SORCS3: variants seen among roughly 807,000 people sequenced by gnomAD.
SORCS3 encodes VPS10 domain-containing receptor SorCS3.
SORCS3 carries 57 observed loss-of-function variants against 146.3 expected under a neutral mutation model. That is an observed-to-expected ratio of 0.39 (90% CI 0.31 to 0.49). The LOEUF is 0.49. Among genes scored for constraint, SORCS3 ranks in the 20% least tolerant of loss-of-function variants. SORCS3 has a pLI of 0.92. For synonymous variants in SORCS3, 653 were observed against 618.5 expected (o/e 1.06, Z -0.83); for missense variants, 1,341 against 1,575.5 (o/e 0.85, Z 2.52).
intron 5 of SORCS3, among the ~76,000 whole-genome samples, chr10:105,044,039 A>G (rs898735330): frequency 2.6e-5 from 4 of 152,112 alleles, no homozygotes; most frequent in African/African-American, 7.2e-5. Flanking sequence ...GGCATACACC[A>G]AAGTATATAG....
At chr10:104,785,912 A>C (rs2017429428) in intron 1 of SORCS3, among the ~76,000 whole-genome samples, 1 of 152,220 alleles carries the variant, frequency 6.6e-6, no homozygotes, top group Non-Finnish European at 1.5e-5. Flanking sequence ...GATTTTACAT[A>C]AGAGAGGTAG....
rs76817912 is a variant in SORCS3 at position 104,991,387 on chromosome 10, T to A, written c.954+13894T>A. 4.3e-3 allele frequency among the ~76,000 whole-genome samples: 653 copies of A among 152,260 alleles called. 6 individuals are homozygous for A. The highest frequency in any genetic ancestry group is 0.014 in the African/African-American group (600 of 41,562). ...TGATTTCTTCTGAAGCCTCTGTCTT[T>A]GGCTTGAGCATGGCCAGCTTCTCTC... On this transcript the variant is annotated intron_variant, in intron 4 of 26. Coordinates refer to ENST00000369701, the MANE Select transcript of SORCS3 (RefSeq NM_014978.3).
intron 1 of SORCS3, among the ~76,000 whole-genome samples, chr10:104,726,790 C>T (rs2016640418): frequency 6.6e-6 from 1 of 152,082 alleles, no homozygotes; most frequent in South Asian, 2.1e-4. Context: ...TTGCCTGCCC[C>T]ATCTCCATTC....
At chr10:105,261,087 A>C (rs964355073) in intron 25 of SORCS3, among the ~76,000 whole-genome samples, 1 of 152,224 alleles carries the variant, frequency 6.6e-6, no homozygotes, top group Non-Finnish European at 1.5e-5. Flanking sequence ...CAGAGAGGAT[A>C]GAAAACATAG....
chr10:104,926,096 C>T (rs2019141824), intron 3 of SORCS3, among the ~76,000 whole-genome samples: 1 of 152,188 alleles, frequency 6.6e-6, no homozygotes. Flanking sequence ...CTGGGCCTCC[C>T]CTCCTGAGCT....
At chr10:104,842,285 G>T (rs1346395964) in intron 1 of SORCS3, among the ~76,000 whole-genome samples, 1 of 152,176 alleles carries the variant, frequency 6.6e-6, no homozygotes, top group Non-Finnish European at 1.5e-5. Flanking sequence ...TCTGCATTCA[G>T]GTATTTATGC....
intron 2 of SORCS3, among the ~76,000 whole-genome samples, chr10:104,861,789 A>G (rs1376247352): frequency 1.3e-5 from 2 of 152,034 alleles, no homozygotes; most frequent in Admixed American, 1.3e-4. Flanking sequence ...TGCTTCAACA[A>G]CAGAAATGTC....
chr10:104,893,238 T>G (rs1202620253), intron 2 of SORCS3, among the ~76,000 whole-genome samples: 1 of 152,172 alleles, frequency 6.6e-6, no homozygotes, highest in African/African-American at 2.4e-5. Flanking sequence ...AGGTATTTGG[T>G]TTATACTTGT....
chr10:105,014,483 G>A (rs544888783), intron 4 of SORCS3, among the ~76,000 whole-genome samples: 116 of 152,244 alleles, frequency 7.6e-4, no homozygotes, highest in Middle Eastern at 6.8e-3. Flanking sequence ...AAAATGGTAT[G>A]TGAAAAGATA....
At chr10:104,812,069 T>C (rs2017746946) in intron 1 of SORCS3, among the ~76,000 whole-genome samples, 1 of 151,722 alleles carries the variant, frequency 6.6e-6, no homozygotes, top group Non-Finnish European at 1.5e-5. Context: ...AGAAAAAAAA[T>C]AACTTGGTAG....
At chr10:105,073,001 C>T (rs1333999194) in intron 5 of SORCS3, among the ~76,000 whole-genome samples, 5 of 152,036 alleles carry the variant, frequency 3.3e-5, no homozygotes, top group Non-Finnish European at 1.5e-5. Context: ...ATTCTGAGGC[C>T]CAGAGAGGTT....
chr10:104,668,477 A>C (rs1257672568), intron 1 of SORCS3, among the ~76,000 whole-genome samples: 1 of 152,204 alleles, frequency 6.6e-6, no homozygotes, highest in African/African-American at 2.4e-5. Context: ...GTCTTGGGCA[A>C]GTTACCTGTA....
intron 1 of SORCS3, among the ~76,000 whole-genome samples, chr10:104,818,073 TA>T (rs1223106591): frequency 6.6e-6 from 1 of 152,170 alleles, no homozygotes; most frequent in African/African-American, 2.4e-5. Context: ...CCTATCTACG[TA>T]GGTCTGTATA....
intron 14 of SORCS3, among the ~76,000 whole-genome samples, chr10:105,195,698 C>G (rs1220222106): frequency 4.6e-5 from 7 of 152,230 alleles, no homozygotes; most frequent in Admixed American, 3.9e-4. Flanking sequence ...AGGAAAGGGA[C>G]CACAGTGAAC....
At chr10:105,147,305 G>A (rs984794623) in intron 8 of SORCS3, among the ~76,000 whole-genome samples, 1 of 152,068 alleles carries the variant, frequency 6.6e-6, no homozygotes, top group East Asian at 1.9e-4. Context: ...TTTAGCAAGG[G>A]TGTCTGTCTC....
chr10:105,227,196 C>T (rs374377605), intron 20 of SORCS3, among the ~76,000 whole-genome samples: 3 of 151,880 alleles, frequency 2.0e-5, no homozygotes, highest in African/African-American at 7.2e-5. Context: ...TTGCTATAAG[C>T]GTACCTCTCA....
intron 7 of SORCS3, among the ~76,000 whole-genome samples, chr10:105,127,926 A>G (rs978713486): frequency 6.6e-6 from 1 of 152,138 alleles, no homozygotes; most frequent in Non-Finnish European, 1.5e-5. Flanking sequence ...CTTCTCCTAT[A>G]CTAGCCATTC....
At chr10:104,752,743 A>G (rs1410882571) in intron 1 of SORCS3, among the ~76,000 whole-genome samples, 1 of 152,216 alleles carries the variant, frequency 6.6e-6, no homozygotes, top group African/African-American at 2.4e-5. Flanking sequence ...TGTTAAAAAC[A>G]AAAGATCATA....
intron 2 of SORCS3, among the ~76,000 whole-genome samples, chr10:104,853,251 A>G (rs1320672439): frequency 6.6e-6 from 1 of 152,248 alleles, no homozygotes; most frequent in Non-Finnish European, 1.5e-5. Flanking sequence ...GTGAGCCAAG[A>G]TTGCACCACT....
Sources: gnomAD v4.1 joint callset for allele counts (sites outside exome capture counted in the v4.1 genomes callset) on GRCh38, gnomAD v4.1.1 for gene constraint, MANE v1.5 for transcripts, NCBI Gene and HGNC (gene_info 2026-07-23, HGNC 2026-07-21) for gene names.